The following POLDIP3 variants were observed in gnomAD, a reference collection of about 807,000 sequenced individuals.
POLDIP3 encodes the protein DNA polymerase delta interacting protein 3, also known as polymerase delta-interacting protein 3.
Under a neutral mutation model 45.1 loss-of-function variants are expected in POLDIP3, and 14 were observed. The ratio of observed to expected loss-of-function variants is 0.31; its 90% confidence interval spans 0.20 to 0.49. POLDIP3 has a LOEUF of 0.49. Among genes scored for constraint, POLDIP3 ranks in the 20% least tolerant of loss-of-function variants. The probability of loss-of-function intolerance (pLI) is 0.99; values close to 1 mark genes in which losing one functional copy is unlikely to be tolerated. For synonymous variants in POLDIP3, 223 were observed against 205.2 expected (o/e 1.09, Z -0.74); for missense variants, 511 against 538.8 (o/e 0.95, Z 0.51).
At chr22:42,596,490 G>A in intron 4 of POLDIP3, 125 bp from the exon 5 acceptor site, 1 of 984,758 alleles carries the variant, frequency 1.0e-6, no homozygotes, top group South Asian at 1.8e-5. Flanking sequence ...AATTCTATTA[G>A]AGGTCTGGAG....
At chr22:42,612,333 G>A (rs1427480020) in intron 1 of POLDIP3, among the ~76,000 whole-genome samples, 2 of 152,210 alleles carry the variant, frequency 1.3e-5, no homozygotes, top group Admixed American at 1.3e-4. Context: ...CATAAGGAAA[G>A]AAAGGCAAGG....
chr22:42,599,818 T>C (rs1056419212), intron 3 of POLDIP3, 25 bp from the exon 4 acceptor site: 7 of 1,538,610 alleles, frequency 4.5e-6, no homozygotes, highest in African/African-American at 4.1e-5. Flanking sequence ...TAAAGAAATA[T>C]AAGCAAATGT....
chr22:42,609,404 G>A (rs983931154), intron 1 of POLDIP3, among the ~76,000 whole-genome samples: 1 of 152,190 alleles, frequency 6.6e-6, no homozygotes, highest in Admixed American at 6.5e-5. Context: ...GAAGGCAAAC[G>A]TTCCCTGGAC....
chr22:42,610,048 C>T (rs1466784383), intron 1 of POLDIP3, among the ~76,000 whole-genome samples: 1 of 152,066 alleles, frequency 6.6e-6, no homozygotes, highest in Admixed American at 6.5e-5. Flanking sequence ...GTGGCCCATG[C>T]CTGTAGTCCC....
intron 7 of POLDIP3, among the ~76,000 whole-genome samples, chr22:42,590,932 G>A (rs2146804368): frequency 6.6e-6 from 1 of 152,152 alleles, no homozygotes; most frequent in Admixed American, 6.5e-5. Context: ...AAATTAGCTG[G>A]GCTTGGTGGC....
intron 1 of POLDIP3, among the ~76,000 whole-genome samples, chr22:42,606,034 C>T (rs1417150638): frequency 6.6e-6 from 1 of 152,084 alleles, no homozygotes; most frequent in African/African-American, 2.4e-5. Context: ...CCTAGCTACT[C>T]GGAAGGCTGA....
At chr22:42,601,377 G>C (rs997255121) in intron 3 of POLDIP3, among the ~76,000 whole-genome samples, 4 of 123,264 alleles carry the variant, frequency 3.2e-5, no homozygotes, top group African/African-American at 6.0e-5. Flanking sequence ...CAAAACAAAA[G>C]ACAAAAAAAA....
intron 6 of POLDIP3, among the ~76,000 whole-genome samples, chr22:42,592,690 T>C (rs1601886702): frequency 6.6e-6 from 1 of 152,238 alleles, no homozygotes; most frequent in Non-Finnish European, 1.5e-5. Flanking sequence ...TTTCCTCCTC[T>C]GAAAATAAAA....
chr22:42,600,060 A>G (rs1419592071), intron 3 of POLDIP3, among the ~76,000 whole-genome samples: 1 of 152,220 alleles, frequency 6.6e-6, no homozygotes, highest in Non-Finnish European at 1.5e-5. Flanking sequence ...AAGAGTCCCT[A>G]AAATGTTTCT....
intron 1 of POLDIP3, among the ~76,000 whole-genome samples, chr22:42,612,002 T>A (rs1316106479): frequency 6.6e-6 from 1 of 152,258 alleles, no homozygotes; most frequent in Non-Finnish European, 1.5e-5. Context: ...CTTTGTTGGC[T>A]GTGCAGGTGA....
At chr22:42,589,145 A>C (rs1925506500) in intron 7 of POLDIP3, among the ~76,000 whole-genome samples, 2 of 151,802 alleles carry the variant, frequency 1.3e-5, no homozygotes, top group African/African-American at 4.8e-5. Context: ...CAGGAGGCTG[A>C]GGCACAAAAA....
chr22:42,603,401 G>C (rs1386544394), intron 1 of POLDIP3, among the ~76,000 whole-genome samples: 1 of 106,150 alleles, frequency 9.4e-6, no homozygotes, highest in Non-Finnish European at 2.0e-5. Context: ...TTTATTCCTA[G>C]TTAAGAGTGT....
chr22:42,602,285 T>G (rs1056981295), intron 2 of POLDIP3, among the ~76,000 whole-genome samples: 3 of 152,240 alleles, frequency 2.0e-5, no homozygotes, highest in African/African-American at 7.2e-5. Context: ...AGTAAATGTT[T>G]GCTGTGGCCG....
intron 1 of POLDIP3, among the ~76,000 whole-genome samples, chr22:42,607,659 T>C (rs1926830141): frequency 6.6e-6 from 1 of 150,618 alleles, no homozygotes; most frequent in Non-Finnish European, 1.5e-5. Flanking sequence ...ATCTAGGAAG[T>C]GAGGAGCGTC....
intron 1 of POLDIP3, among the ~76,000 whole-genome samples, chr22:42,612,541 C>A (rs1380980205): frequency 5.3e-5 from 8 of 152,196 alleles, no homozygotes; most frequent in Admixed American, 5.2e-4. Flanking sequence ...TTAAAACATA[C>A]CTTCTGGCCC....
chr22:42,610,797 C>A (rs1927072906), intron 1 of POLDIP3, among the ~76,000 whole-genome samples: 1 of 152,058 alleles, frequency 6.6e-6, no homozygotes, highest in South Asian at 2.1e-4. Context: ...TCCCAGCTAC[C>A]TGGTAGGCTG....
chr22:42,595,746 C>T, intron 5 of POLDIP3, 132 bp from the exon 6 acceptor site: 1 of 769,864 alleles, frequency 1.3e-6, no homozygotes, highest in South Asian at 1.5e-5. Flanking sequence ...AATGGGCCCC[C>T]TGAACTTCAG....
At chr22:42,589,569 G>A (rs1925539714) in intron 7 of POLDIP3, among the ~76,000 whole-genome samples, 1 of 151,998 alleles carries the variant, frequency 6.6e-6, no homozygotes, top group Non-Finnish European at 1.5e-5. Context: ...CAGCACTTTG[G>A]GAAGCCCAGG....
intron 1 of POLDIP3, among the ~76,000 whole-genome samples, chr22:42,607,538 G>T (rs1340946997): frequency 1.3e-5 from 2 of 152,214 alleles, no homozygotes; most frequent in Non-Finnish European, 2.9e-5. Context: ...ACCCCGTCTG[G>T]GAAGTGAGGA....
Sources: allele counts gnomAD v4.1 joint callset (sites outside exome capture counted in the v4.1 genomes callset), GRCh38; gene constraint gnomAD v4.1.1; transcripts MANE v1.5; gene names NCBI Gene and HGNC (gene_info 2026-07-23, HGNC 2026-07-21).